The following CYB5B variants were observed in gnomAD, a reference collection of about 807,000 sequenced individuals.
The protein encoded by CYB5B is cytochrome b5 type B.
Under a neutral mutation model 21.3 loss-of-function variants are expected in CYB5B, and 14 were observed. The observed-to-expected ratio is 0.66, with a 90% CI of 0.43 to 1.03. CYB5B has a LOEUF of 1.03. Among genes scored for constraint, CYB5B ranks in the 50% least tolerant of loss-of-function variants. The pLI is 0.00. For synonymous variants in CYB5B, 69 were observed against 68.4 expected (o/e 1.01, Z -0.04); for missense variants, 166 against 185.1 (o/e 0.90, Z 0.60).
intron 1 of CYB5B, among the ~76,000 whole-genome samples, chr16:69,425,062 C>T (rs2014629139): frequency 6.6e-6 from 1 of 152,128 alleles, no homozygotes; most frequent in African/African-American, 2.4e-5. Context: ...AGTTCTGGTG[C>T]CTTATGTAAT....
chr16:69,440,687 T>C (rs907975639), intron 1 of CYB5B, among the ~76,000 whole-genome samples: 29 of 151,770 alleles, frequency 1.9e-4, no homozygotes, highest in African/African-American at 6.8e-4. Flanking sequence ...CTGTAGATGT[T>C]TGGGCTGTTT....
At chr16:69,440,745 C>CGTGTGTGTGTGTGT (rs56008000) in intron 1 of CYB5B, among the ~76,000 whole-genome samples, 27,699 of 146,244 alleles carry the variant, frequency 0.19, 3,125 homozygotes, top group African/African-American at 0.31. Flanking sequence ...GTGTGTGTTG[C>CGTGTGTGTGTGTGT]GTGTGTGTGT....
At chr16:69,439,464 C>A (rs1273143600) in intron 1 of CYB5B, among the ~76,000 whole-genome samples, 1 of 152,142 alleles carries the variant, frequency 6.6e-6, no homozygotes, top group Admixed American at 6.6e-5. Flanking sequence ...CCACGTTGGC[C>A]TCCCAAAGTG....
intron 4 of CYB5B, among the ~76,000 whole-genome samples, chr16:69,461,245 A>G (rs1023737974): frequency 3.3e-5 from 5 of 152,072 alleles, no homozygotes; most frequent in Non-Finnish European, 5.9e-5. Flanking sequence ...TTCTCCTTCA[A>G]TGTTTTCTCA....
chr16:69,448,208 A>C lies in CYB5B; in HGVS notation c.333+64A>C, dbSNP rs1189093191. On this transcript the variant is annotated intron_variant, in intron 3 of 4. Coordinates refer to ENST00000307892, the MANE Select transcript of CYB5B (RefSeq NM_030579.3). ...TTTACTCAAGTAGGACTGCTTTTTG[A>C]AACATTTTTTCTTAACAAGAGAAGT... The C allele has an allele frequency of 3.2e-6, 5 of 1,554,310 alleles. No individual in the cohort carries two copies. The South Asian group carries it at 5.8e-5, about 18-fold the overall frequency.
intron 3 of CYB5B, among the ~76,000 whole-genome samples, chr16:69,452,417 A>T (rs1395729630): frequency 6.6e-6 from 1 of 151,862 alleles, no homozygotes; most frequent in African/African-American, 2.4e-5. Flanking sequence ...ACTGTGGCTC[A>T]CGACTGTAGT....
intron 3 of CYB5B, among the ~76,000 whole-genome samples, chr16:69,457,396 A>G (rs1388967059): frequency 6.6e-6 from 1 of 152,214 alleles, no homozygotes; most frequent in Non-Finnish European, 1.5e-5. Context: ...CTTTCAAATT[A>G]TCCCTTTTAA....
intron 3 of CYB5B, 23 bp from the exon 4 acceptor site, chr16:69,459,070 A>ATTTTTTTTTT: frequency 2.2e-6 from 3 of 1,368,514 alleles, no homozygotes; most frequent in Non-Finnish European, 3.0e-6. Context: ...TTATTTTTGA[A>ATTTTTTTTTT]TTTTTTTTTT....
Position 69,462,652 on chromosome 16 carries a change from G to A in CYB5B, c.*132G>A, listed in dbSNP as rs554220407. 14 of 717,176 alleles carry A rather than the reference G, an allele frequency of 2.0e-5. No homozygotes were observed. Among genetic ancestry groups the A allele is most frequent in the Non-Finnish European group, 3.2e-5 (13 of 410,224 alleles). The allele number at this position is 717,176 out of a possible 1,614,324, so 44.4% of individuals were successfully genotyped here. Reference sequence around the variant, plus strand: ...TTCCCCCTTGGAGCCAAGACGATTGGCCAGACATCACCTCAGATCTGAGAC... The same window carrying A: ...TTCCCCCTTGGAGCCAAGACGATTGACCAGACATCACCTCAGATCTGAGAC... On this transcript the variant is annotated 3_prime_UTR_variant, in exon 5 of 5. Transcript: ENST00000307892.
At chr16:69,450,326 A>G (rs775584821) in intron 3 of CYB5B, 2 of 152,004 alleles carry the variant, frequency 1.3e-5, no homozygotes, top group African/African-American at 2.4e-5. Flanking sequence ...ATAATAATTT[A>G]GAAGTCTCCA....
At chr16:69,431,964 A>G (rs1196976278) in intron 1 of CYB5B, among the ~76,000 whole-genome samples, 1 of 152,234 alleles carries the variant, frequency 6.6e-6, no homozygotes, top group Non-Finnish European at 1.5e-5. Context: ...CTGTGAGAAG[A>G]TAACATTTAA....
chr16:69,437,675 G>A (rs1025882208), intron 1 of CYB5B, among the ~76,000 whole-genome samples: 18 of 151,986 alleles, frequency 1.2e-4, no homozygotes, highest in African/African-American at 2.2e-4. Context: ...CGTTAATTAC[G>A]TTTACACTGT....
At chr16:69,430,507 A>G (rs113500872) in intron 1 of CYB5B, among the ~76,000 whole-genome samples, 1,522 of 152,194 alleles carry the variant, frequency 0.01, 31 homozygotes, top group African/African-American at 0.034. Context: ...GGCATGAGCC[A>G]CTGTGCCTGG....
At chr16:69,457,785 C>A (rs1191401223) in intron 3 of CYB5B, among the ~76,000 whole-genome samples, 1 of 152,110 alleles carries the variant, frequency 6.6e-6, no homozygotes, top group Non-Finnish European at 1.5e-5. Flanking sequence ...TGCCTACAGA[C>A]TAATTTCTTT....
intron 1 of CYB5B, among the ~76,000 whole-genome samples, chr16:69,431,498 G>T (rs1388991382): frequency 6.6e-6 from 1 of 151,826 alleles, no homozygotes; most frequent in East Asian, 1.9e-4. Flanking sequence ...AAAGCTGGGT[G>T]CAGTGGCTCA....
intron 1 of CYB5B, among the ~76,000 whole-genome samples, chr16:69,435,330 G>C (rs1251828554): frequency 6.6e-6 from 1 of 152,140 alleles, no homozygotes; most frequent in East Asian, 1.9e-4. Flanking sequence ...ATACAAAATT[G>C]CATTTAATAC....
intron 3 of CYB5B, chr16:69,449,870 C>T (rs1354181890): frequency 1.3e-5 from 2 of 152,116 alleles, no homozygotes; most frequent in African/African-American, 4.8e-5. Flanking sequence ...CTGTGGTAAG[C>T]ATTGTCTGCC....
chr16:69,434,020 T>C (rs118073148), intron 1 of CYB5B, among the ~76,000 whole-genome samples: 2,683 of 152,320 alleles, frequency 0.018, 38 homozygotes, highest in Non-Finnish European at 0.027. Context: ...TATAATCTTA[T>C]GGGACCACCA....
intron 4 of CYB5B, among the ~76,000 whole-genome samples, chr16:69,460,880 T>C (rs753152011): frequency 2.6e-5 from 4 of 152,198 alleles, no homozygotes; most frequent in Non-Finnish European, 5.9e-5. Flanking sequence ...ATCTGTCTTA[T>C]GGTAGGAAGT....
Sources: allele counts gnomAD v4.1 joint callset (sites outside exome capture counted in the v4.1 genomes callset), GRCh38; gene constraint gnomAD v4.1.1; transcripts MANE v1.5; gene names NCBI Gene and HGNC (gene_info 2026-07-23, HGNC 2026-07-21).